The following KCTD16 variants were observed in gnomAD, a reference collection of about 807,000 sequenced individuals.
KCTD16 encodes potassium channel tetramerization domain containing 16.
KCTD16 carries 13 observed loss-of-function variants against 33.2 expected under a neutral mutation model. The ratio of observed to expected loss-of-function variants is 0.39; its 90% CI spans 0.25 to 0.62. The LOEUF is 0.62. Ranked by LOEUF, KCTD16 falls within the 20% of genes least tolerant of loss-of-function variation. The pLI is 0.50. For missense variants in KCTD16, 441 were observed against 525.1 expected (o/e 0.84, Z 1.57); for synonymous variants, 197 against 195.3 (o/e 1.01, Z -0.07).
chr5:144,212,310 C>A (rs1294456686), intron 3 of KCTD16, among the ~76,000 whole-genome samples: 1 of 152,050 alleles, frequency 6.6e-6, no homozygotes, highest in Non-Finnish European at 1.5e-5. Context: ...ACTTCTATGC[C>A]AAGCAAGAGC....
At chr5:144,209,059 A>G (rs967948699) in intron 3 of KCTD16, among the ~76,000 whole-genome samples, 1 of 152,198 alleles carries the variant, frequency 6.6e-6, no homozygotes, top group African/African-American at 2.4e-5. Context: ...TATCTTCTCC[A>G]AACTTTTTGG....
rs560176342 is a variant in KCTD16 at position 144,222,813 on chromosome 5, A to T, written c.832+15267A>T. On this transcript the variant is annotated intron_variant, in intron 3 of 3. Transcript: ENST00000512467. ...CTGGGTATATACCCAAAGGATTATA[A>T]ATCATGCTGCTATAAAGACACATGC... Among the ~76,000 whole-genome samples, 65 of 152,344 alleles carry T rather than the reference A, an allele frequency of 4.3e-4. 1 individual carries two copies. The highest frequency in any genetic ancestry group is 1.0e-3 in the South Asian group (5 of 4,820).
chr5:144,176,886 G>A (rs546295642), intron 2 of KCTD16, among the ~76,000 whole-genome samples: 13 of 152,188 alleles, frequency 8.5e-5, no homozygotes, highest in Admixed American at 8.5e-4. Context: ...GTGGTTATTT[G>A]TTTTTCTTGT....
chr5:144,253,169 A>G (rs192575023), intron 3 of KCTD16, among the ~76,000 whole-genome samples: 223 of 152,258 alleles, frequency 1.5e-3, no homozygotes, highest in African/African-American at 5.0e-3. Context: ...CCAGGCCAAC[A>G]TGTTGTCTTT....
At chr5:144,383,131 C>G (rs952691622) in intron 3 of KCTD16, 4 of 152,120 alleles carry the variant, frequency 2.6e-5, no homozygotes, top group Non-Finnish European at 5.9e-5. Context: ...TTCCCTGGTA[C>G]CTCACAGGTA....
intron 3 of KCTD16, among the ~76,000 whole-genome samples, chr5:144,341,462 T>G (rs831414): frequency 6.6e-6 from 1 of 152,094 alleles, no homozygotes; most frequent in African/African-American, 2.4e-5. Context: ...CCCTCTCTAT[T>G]GTGAATCTGA....
At chr5:144,255,828 A>T (rs1424098577) in intron 3 of KCTD16, among the ~76,000 whole-genome samples, 3 of 152,236 alleles carry the variant, frequency 2.0e-5, no homozygotes, top group Admixed American at 1.3e-4. Context: ...TAACATAATC[A>T]TCAGATTTTA....
At chr5:144,237,009 G>T (rs1754271916) in intron 3 of KCTD16, among the ~76,000 whole-genome samples, 1 of 152,008 alleles carries the variant, frequency 6.6e-6, no homozygotes. Flanking sequence ...TAGGTCAAGT[G>T]GTTGGACAGG....
chr5:144,435,522 T>C (rs1027320169), intron 3 of KCTD16, among the ~76,000 whole-genome samples: 4 of 152,252 alleles, frequency 2.6e-5, no homozygotes, highest in African/African-American at 9.6e-5. Flanking sequence ...AGTCTCCTTT[T>C]AAGGAATATT....
intron 3 of KCTD16, among the ~76,000 whole-genome samples, chr5:144,295,526 T>G (rs918982104): frequency 2.0e-5 from 3 of 152,188 alleles, no homozygotes; most frequent in Non-Finnish European, 4.4e-5. Context: ...CAGAGCAGTC[T>G]GACAGGAGAG....
rs557406143 is a variant in KCTD16 at position 144,376,359 on chromosome 5, G to A, written c.833-97301G>A. On this transcript the variant is annotated intron_variant, in intron 3 of 3. Coordinates refer to ENST00000512467, the MANE Select transcript of KCTD16 (RefSeq NM_020768.4). Reference sequence around the variant, plus strand: ...TAATGTGTAATAATATGGACAAAATGTTACAATCTCGGTAGTTGGTCTAAT... The same window carrying A: ...TAATGTGTAATAATATGGACAAAATATTACAATCTCGGTAGTTGGTCTAAT... Among the ~76,000 whole-genome samples the A allele has an allele frequency of 3.9e-5, 6 of 152,264 alleles. No individual in the cohort carries two copies. The South Asian group carries it at 6.2e-4, about 16-fold the overall frequency.
intron 3 of KCTD16, among the ~76,000 whole-genome samples, chr5:144,326,857 A>G (rs1400709997): frequency 2.0e-5 from 3 of 152,198 alleles, no homozygotes; most frequent in African/African-American, 7.2e-5. Flanking sequence ...CCAAGCAGAT[A>G]TGTTGTATTT....
chr5:144,426,741 T>G (rs1305299889), intron 3 of KCTD16, among the ~76,000 whole-genome samples: 2 of 152,104 alleles, frequency 1.3e-5, no homozygotes, highest in East Asian at 1.9e-4. Context: ...GGCAAGCAAG[T>G]GCATGAGAAA....
At position 144,388,458 on chromosome 5, in the gene KCTD16, T is replaced by C. The variant is rs144995610; in HGVS notation, c.833-85202T>C. On this transcript the variant is annotated intron_variant, in intron 3 of 3. Transcript: ENST00000512467. Reference sequence around the variant, plus strand: ...AATCTTTACGTTTTCCTTTATTAATTAACTCTGAATATTGTCTTGAATGTA... The same window carrying C: ...AATCTTTACGTTTTCCTTTATTAATCAACTCTGAATATTGTCTTGAATGTA... 1.8e-4 allele frequency among the ~76,000 whole-genome samples: 28 copies of C among 152,348 alleles called. No homozygotes were observed. In the East Asian group the frequency reaches 4.4e-3, roughly 24 times the overall value.
rs150492612 is a variant in KCTD16 at position 144,296,320 on chromosome 5, G to A, written c.832+88774G>A. ...TGAATGAATGCATTTATGAATGAAT[G>A]AATAAATACATTTATGTAAACTACT... On this transcript the variant is annotated intron_variant, in intron 3 of 3. Transcript: ENST00000512467. 1.8e-4 allele frequency among the ~76,000 whole-genome samples: 28 copies of A among 152,330 alleles called. No individual in the cohort carries two copies. The East Asian group carries it at 4.4e-3, about 24-fold the overall frequency.
chr5:144,273,586 T>C, intron 3 of KCTD16, among the ~76,000 whole-genome samples: 1 of 152,112 alleles, frequency 6.6e-6, no homozygotes, highest in South Asian at 2.1e-4. Flanking sequence ...CTTTGACAGA[T>C]GAATAGATAA....
At chr5:144,299,612 A>T (rs1751367516) in intron 3 of KCTD16, among the ~76,000 whole-genome samples, 1 of 152,170 alleles carries the variant, frequency 6.6e-6, no homozygotes, top group Non-Finnish European at 1.5e-5. Context: ...CACATAAATT[A>T]TATCATGTAA....
chr5:144,305,684 C>G (rs1423970199), intron 3 of KCTD16, among the ~76,000 whole-genome samples: 1 of 151,928 alleles, frequency 6.6e-6, no homozygotes. Flanking sequence ...CATGGTGGTG[C>G]GCACCTGTAC....
chr5:144,235,749 T>A (rs966565862), intron 3 of KCTD16, among the ~76,000 whole-genome samples: 1 of 152,096 alleles, frequency 6.6e-6, no homozygotes, highest in African/African-American at 2.4e-5. Context: ...CTTGTCAAAC[T>A]TCAGACACTA....
Sources: gnomAD v4.1 joint callset for allele counts (sites outside exome capture counted in the v4.1 genomes callset) on GRCh38, gnomAD v4.1.1 for gene constraint, MANE v1.5 for transcripts, NCBI Gene and HGNC (gene_info 2026-07-23, HGNC 2026-07-21) for gene names.